CADPS: variants seen among roughly 807,000 people sequenced by gnomAD.
CADPS encodes the protein calcium dependent secretion activator.
CADPS carries 57 observed loss-of-function variants against 167.3 expected under a neutral mutation model. The ratio of observed to expected loss-of-function variants is 0.34; its 90% CI spans 0.28 to 0.42. The LOEUF is 0.42. CADPS is among the 20% of genes least tolerant of loss of function. The probability of loss-of-function intolerance (pLI) is 1.00; values close to 1 mark genes in which losing one functional copy is unlikely to be tolerated. For synonymous variants in CADPS, 676 were observed against 635.3 expected (o/e 1.06, Z -0.96); for missense variants, 1,414 against 1,738.1 (o/e 0.81, Z 3.32).
intron 1 of CADPS, among the ~76,000 whole-genome samples, chr3:62,820,331 A>T (rs1337596081): frequency 6.6e-6 from 1 of 152,190 alleles, no homozygotes; most frequent in African/African-American, 2.4e-5. Context: ...AATATTCCAC[A>T]AATAGAGAAA....
chr3:62,791,724 G>C (rs983958465), intron 1 of CADPS, among the ~76,000 whole-genome samples: 1 of 152,186 alleles, frequency 6.6e-6, no homozygotes. Flanking sequence ...ATAGGAATGT[G>C]CACTATGCAG....
Position 62,506,054 on chromosome 3 carries a change from C to G in CADPS, c.2599+6697G>C, listed in dbSNP as rs139488539. ...ATAGTAAACATCATAACTTAAACTT[C>G]CAAGCCAGAGAATAACATCAGGTTT... On this transcript the variant is annotated intron_variant, in intron 17 of 29. Coordinates refer to ENST00000383710, the MANE Select transcript of CADPS (RefSeq NM_003716.4). 3.3e-3 allele frequency among the ~76,000 whole-genome samples: 495 copies of G among 152,274 alleles called. 3 individuals are homozygous for G. Among genetic ancestry groups the G allele is most frequent in the South Asian group, 0.014 (69 of 4,828 alleles).
chr3:62,823,952 C>T (rs777953962), intron 1 of CADPS, among the ~76,000 whole-genome samples: 61 of 152,032 alleles, frequency 4.0e-4, no homozygotes, highest in Admixed American at 9.2e-4. Flanking sequence ...TTTTCTGCCA[C>T]GGCTCCTGCT....
chr3:62,709,770 G>T lies in CADPS; in HGVS notation c.888+43671C>A, dbSNP rs202233419. ...TGGGTTTTATTTTTATTTTATTTATGTATTTATTATTTTTTTTGAGACAGA... is the reference window on the plus strand; with the variant it reads ...TGGGTTTTATTTTTATTTTATTTATTTATTTATTATTTTTTTTGAGACAGA... On this transcript the variant is annotated intron_variant, in intron 3 of 29. Transcript: ENST00000383710. 1.2e-3 allele frequency among the ~76,000 whole-genome samples: 150 copies of T among 127,988 alleles called. 2 individuals carry two copies. The highest frequency in any genetic ancestry group is 4.3e-3 in the African/African-American group (142 of 32,818). 84.0% of individuals were successfully genotyped at this position (127,988 alleles called of 152,430 possible).
At chr3:62,518,106 A>T in intron 14 of CADPS, 43 bp downstream of exon 14, 1 of 1,306,414 alleles carries the variant, frequency 7.7e-7, no homozygotes, top group Non-Finnish European at 1.1e-6. Flanking sequence ...TTCCCTTCCC[A>T]CTCTCATCTC....
At chr3:62,461,200 A>C (rs1419011337) in intron 26 of CADPS, among the ~76,000 whole-genome samples, 4 of 152,230 alleles carry the variant, frequency 2.6e-5, no homozygotes, top group Non-Finnish European at 5.9e-5. Flanking sequence ...AATACATTTA[A>C]AGCACATAGC....
intron 1 of CADPS, among the ~76,000 whole-genome samples, chr3:62,845,390 A>G (rs2077250071): frequency 6.6e-6 from 1 of 152,218 alleles, no homozygotes; most frequent in Non-Finnish European, 1.5e-5. Flanking sequence ...TGAACAAGTT[A>G]CTTTAACTCT....
chr3:62,667,546 C>T (rs932458168), intron 3 of CADPS, among the ~76,000 whole-genome samples: 4 of 152,036 alleles, frequency 2.6e-5, no homozygotes, highest in African/African-American at 9.7e-5. Context: ...AATATCAGTC[C>T]TGCAGGTTCT....
intron 6 of CADPS, among the ~76,000 whole-genome samples, chr3:62,624,863 G>C (rs534290584): frequency 6.6e-6 from 1 of 152,122 alleles, no homozygotes; most frequent in Non-Finnish European, 1.5e-5. Context: ...AGCCATGTCT[G>C]TGGTACATGA....
At chr3:62,577,574 T>G (rs938387007) in intron 8 of CADPS, among the ~76,000 whole-genome samples, 1 of 152,130 alleles carries the variant, frequency 6.6e-6, no homozygotes, top group African/African-American at 2.4e-5. Context: ...GTACAAAGAA[T>G]AAATGAAAGC....
intron 3 of CADPS, among the ~76,000 whole-genome samples, chr3:62,679,261 A>T (rs2076773663): frequency 6.6e-6 from 1 of 151,910 alleles, no homozygotes; most frequent in Non-Finnish European, 1.5e-5. Flanking sequence ...CCACTATTTG[A>T]TGTGTCAAAG....
chr3:62,866,693 T>C (rs1245832505), intron 1 of CADPS, among the ~76,000 whole-genome samples: 2 of 152,120 alleles, frequency 1.3e-5, no homozygotes, highest in African/African-American at 2.4e-5. Context: ...AAAGATATTG[T>C]AGTCTGAAAT....
At chr3:62,755,752 T>C (rs2083746575) in intron 2 of CADPS, among the ~76,000 whole-genome samples, 1 of 152,212 alleles carries the variant, frequency 6.6e-6, no homozygotes, top group African/African-American at 2.4e-5. Context: ...TTAGAGTTAA[T>C]TTGAAAATTA....
intron 1 of CADPS, among the ~76,000 whole-genome samples, chr3:62,821,351 G>A (rs1232297220): frequency 2.6e-5 from 4 of 152,092 alleles, no homozygotes; most frequent in Non-Finnish European, 4.4e-5. Context: ...CACAAACTGG[G>A]TGGCTTAAAA....
rs533476750 is a variant in CADPS at position 62,577,530 on chromosome 3, C to A, written c.1578-6592G>T. Among the ~76,000 whole-genome samples, 11 of 152,242 alleles carry A rather than the reference C, an allele frequency of 7.2e-5. No individual in the cohort carries two copies. The East Asian group carries it at 9.7e-4, about 13-fold the overall frequency. ...TCCAGGTACCTCAGCTATCTTATAG[C>A]AGCCCAGCAAGAAGAAGCATGGGCT... On this transcript the variant is annotated intron_variant, in intron 8 of 29. Coordinates refer to ENST00000383710, the MANE Select transcript of CADPS (RefSeq NM_003716.4).
chr3:62,794,947 C>T (rs1424358347), intron 1 of CADPS, among the ~76,000 whole-genome samples: 2 of 152,004 alleles, frequency 1.3e-5, no homozygotes, highest in South Asian at 2.1e-4. Context: ...TCATTCAGAT[C>T]ACTGTCTCTT....
intron 13 of CADPS, among the ~76,000 whole-genome samples, chr3:62,522,132 TC>T (rs2070787416): frequency 6.6e-6 from 1 of 151,704 alleles, no homozygotes; most frequent in Non-Finnish European, 1.5e-5. Flanking sequence ...TATCTATCTA[TC>T]TATCTATCTA....
At chr3:62,855,452 A>T (rs2079497337) in intron 1 of CADPS, among the ~76,000 whole-genome samples, 1 of 152,124 alleles carries the variant, frequency 6.6e-6, no homozygotes, top group South Asian at 2.1e-4. Context: ...GTAGTAATAG[A>T]CAAGTAAATA....
At chr3:62,659,875 G>A (rs1160339920) in intron 4 of CADPS, among the ~76,000 whole-genome samples, 1 of 152,146 alleles carries the variant, frequency 6.6e-6, no homozygotes, top group Non-Finnish European at 1.5e-5. Flanking sequence ...AGACAGTAGA[G>A]GGCACTCTAT....
Sources: gnomAD v4.1 joint callset for allele counts (sites outside exome capture counted in the v4.1 genomes callset) on GRCh38, gnomAD v4.1.1 for gene constraint, MANE v1.5 for transcripts, NCBI Gene and HGNC (gene_info 2026-07-23, HGNC 2026-07-21) for gene names.